The following SETBP1 variants were observed in gnomAD, a reference collection of about 807,000 sequenced individuals.
SETBP1 encodes SET binding protein 1.
Under a neutral mutation model 101.0 loss-of-function variants are expected in SETBP1, and 9 were observed. The observed-to-expected ratio is 0.09, with a 90% CI of 0.05 to 0.16. The LOEUF (loss-of-function observed/expected upper bound fraction) is 0.16. SETBP1 is among the 10% of genes least tolerant of loss of function. SETBP1 has a pLI of 1.00. For synonymous variants in SETBP1, 818 were observed against 788.5 expected, an observed-to-expected ratio of 1.04 and a Z score of -0.63; for missense variants, 1,858 against 2,033.8, an observed-to-expected ratio of 0.91 and a Z score of 1.66.
chr18:45,006,311 G>A (rs1047744966), intron 4 of SETBP1, among the ~76,000 whole-genome samples: 10 of 152,028 alleles, frequency 6.6e-5, no homozygotes, highest in African/African-American at 2.4e-4. Flanking sequence ...CTTCATATAT[G>A]TCTGTTCCTA....
At chr18:44,831,553 A>G (rs986229398) in intron 2 of SETBP1, among the ~76,000 whole-genome samples, 1 of 152,240 alleles carries the variant, frequency 6.6e-6, no homozygotes, top group Non-Finnish European at 1.5e-5. Context: ...TTCTGACTCC[A>G]TCTCTTACTA....
At chr18:44,773,929 G>A (rs2070937347) in intron 2 of SETBP1, among the ~76,000 whole-genome samples, 1 of 150,300 alleles carries the variant, frequency 6.7e-6, no homozygotes, top group Non-Finnish European at 1.5e-5. Flanking sequence ...TGAGGTAAAA[G>A]GCATAGCTCC....
intron 4 of SETBP1, among the ~76,000 whole-genome samples, chr18:45,022,004 AC>A (rs879578072): frequency 0.045 from 6,899 of 152,262 alleles, 176 homozygotes; most frequent in South Asian, 0.096. Context: ...ACTATGCCCT[AC>A]TGTTAACTGA....
At chr18:45,044,631 C>A (rs1466801053) in intron 5 of SETBP1, among the ~76,000 whole-genome samples, 5 of 152,218 alleles carry the variant, frequency 3.3e-5, no homozygotes, top group African/African-American at 9.6e-5. Context: ...CAGGGAAGCA[C>A]CAAACCTTCC....
chr18:44,713,600 G>A lies in SETBP1; in HGVS notation c.486+11768G>A, dbSNP rs538979662. 2.6e-5 allele frequency among the ~76,000 whole-genome samples: 4 copies of A among 151,990 alleles called. No homozygotes were observed. The South Asian group carries it at 8.3e-4, about 32-fold the overall frequency. ...GTGATCTGGCCCTGCATTATGCCAG[G>A]GTATTGTAACCTCCTCTGTTCTAGA... is the stretch of plus-strand genomic sequence containing the variant. On this transcript the variant is annotated intron_variant, in intron 2 of 5. Transcript: ENST00000649279.
intron 1 of SETBP1, among the ~76,000 whole-genome samples, chr18:44,684,790 G>A (rs1437752128): frequency 3.3e-5 from 5 of 151,986 alleles, no homozygotes; most frequent in East Asian, 3.9e-4. Context: ...GGGATTACAG[G>A]CACCCACCAC....
chr18:44,809,082 G>A (rs370321175), intron 2 of SETBP1, among the ~76,000 whole-genome samples: 11 of 152,154 alleles, frequency 7.2e-5, no homozygotes, highest in African/African-American at 1.9e-4. Flanking sequence ...TGGAAGGTTC[G>A]TGTGTGGTCA....
At chr18:44,911,579 T>C (rs1267635432) in intron 3 of SETBP1, among the ~76,000 whole-genome samples, 1 of 152,194 alleles carries the variant, frequency 6.6e-6, no homozygotes. Flanking sequence ...ATCCAAGTTA[T>C]AGAAAAGATG....
chr18:44,728,850 G>A (rs2069771073), intron 2 of SETBP1, among the ~76,000 whole-genome samples: 1 of 152,204 alleles, frequency 6.6e-6, no homozygotes, highest in African/African-American at 2.4e-5. Flanking sequence ...AGAAATGCAA[G>A]TAGATCCATT....
chr18:45,026,794 T>C (rs2073173420), intron 4 of SETBP1, among the ~76,000 whole-genome samples: 2 of 147,924 alleles, frequency 1.4e-5, no homozygotes, highest in South Asian at 2.1e-4. Context: ...TGTCCTTCTG[T>C]AGCATGTGTG....
At chr18:44,845,064 A>G (rs1003913914) in intron 2 of SETBP1, among the ~76,000 whole-genome samples, 2 of 152,136 alleles carry the variant, frequency 1.3e-5, no homozygotes, top group Non-Finnish European at 2.9e-5. Flanking sequence ...GACACAAAAG[A>G]GTGATATGTG....
chr18:44,728,363 TTAA>T (rs1215160726), intron 2 of SETBP1, among the ~76,000 whole-genome samples: 3 of 152,136 alleles, frequency 2.0e-5, no homozygotes, highest in African/African-American at 7.2e-5. Context: ...TTGCAATCTA[TTAA>T]AAACTACACA....
intron 4 of SETBP1, among the ~76,000 whole-genome samples, chr18:44,999,844 A>G (rs986041229): frequency 3.9e-5 from 6 of 152,228 alleles, no homozygotes; most frequent in African/African-American, 1.4e-4. Flanking sequence ...TAATAAGATA[A>G]TAGTTATGCC....
chr18:44,729,003 T>G (rs1335528787), intron 2 of SETBP1, among the ~76,000 whole-genome samples: 1 of 152,222 alleles, frequency 6.6e-6, no homozygotes, highest in Non-Finnish European at 1.5e-5. Flanking sequence ...GTATTTCAAG[T>G]AGTCTCCATA....
intron 2 of SETBP1, among the ~76,000 whole-genome samples, chr18:44,712,224 A>G (rs1281008231): frequency 6.6e-6 from 1 of 152,172 alleles, no homozygotes. Context: ...ACAAGTTTCT[A>G]GCCAGTTTCA....
intron 2 of SETBP1, among the ~76,000 whole-genome samples, chr18:44,776,836 G>A (rs181480519): frequency 4.6e-5 from 7 of 152,302 alleles, no homozygotes; most frequent in East Asian, 1.9e-4. Context: ...TTAATACTTC[G>A]TGTAGGATCA....
At chr18:45,043,363 T>TCTCTCTCTCTCACA (rs143126603) in intron 5 of SETBP1, among the ~76,000 whole-genome samples, 4 of 149,472 alleles carry the variant, frequency 2.7e-5, no homozygotes, top group African/African-American at 7.4e-5. Context: ...TCTCTCTCTC[T>TCTCTCTCTCTCACA]CTCACACACT....
chr18:45,049,906 G>A (rs1322575494), intron 5 of SETBP1, among the ~76,000 whole-genome samples: 1 of 152,086 alleles, frequency 6.6e-6, no homozygotes, highest in Non-Finnish European at 1.5e-5. Context: ...GGAAACCCAG[G>A]TTTTATCAGT....
chr18:44,764,940 C>T (rs929000991), intron 2 of SETBP1, among the ~76,000 whole-genome samples: 6 of 152,172 alleles, frequency 3.9e-5, no homozygotes, highest in Non-Finnish European at 8.8e-5. Context: ...AACATAGTGC[C>T]TGGCACAGAG....
Sources: gnomAD v4.1 joint callset for allele counts (sites outside exome capture counted in the v4.1 genomes callset) on GRCh38, gnomAD v4.1.1 for gene constraint, MANE v1.5 for transcripts, NCBI Gene and HGNC (gene_info 2026-07-23, HGNC 2026-07-21) for gene names.